The following CECR2 variants were observed in gnomAD, a reference collection of about 807,000 sequenced individuals.
CECR2 encodes the protein CECR2 histone acetyl-lysine reader.
CECR2 carries 30 observed loss-of-function variants against 154.5 expected under a neutral mutation model. The ratio of observed to expected loss-of-function variants is 0.19; its 90% CI spans 0.15 to 0.26. The LOEUF (loss-of-function observed/expected upper bound fraction) is 0.26. CECR2 is among the 10% of genes least tolerant of loss of function. The pLI is 1.00. For synonymous variants in CECR2, 725 were observed against 683.7 expected (o/e 1.06, Z -0.94); for missense variants, 1,743 against 1,829.3 (o/e 0.95, Z 0.86).
chr22:17,432,819 G>A (rs1312630696), intron 1 of CECR2, among the ~76,000 whole-genome samples: 1 of 152,108 alleles, frequency 6.6e-6, no homozygotes, highest in African/African-American at 2.4e-5. Flanking sequence ...TGTATAGGCA[G>A]GGTCTCACTG....
rs12160090 is a variant in CECR2, at chr22:17,364,236, C to G, written c.-364+4213C>G. ...CAGGCGCCTGTAGTCCCAGCTACTC[C>G]GGAGGCTGAGGCAGGAGAATGGCGT... On this transcript the variant is annotated intron_variant, in intron 1 of 18. Coordinates refer to the CECR2 transcript ENST00000400585. Among the ~76,000 whole-genome samples, 10 of 148,616 alleles carry G rather than the reference C, an allele frequency of 6.7e-5. No homozygotes were observed. In the East Asian group the frequency reaches 1.0e-3, roughly 15 times the overall value.
chr22:17,397,562 A>ATC (rs1601284826), intron 1 of CECR2, among the ~76,000 whole-genome samples: 1 of 151,972 alleles, frequency 6.6e-6, no homozygotes, highest in East Asian at 1.9e-4. Flanking sequence ...CAGTGGCGCT[A>ATC]TCTCTGCTCA....
At chr22:17,495,323 C>G (rs2055603471) in intron 2 of CECR2, among the ~76,000 whole-genome samples, 1 of 152,106 alleles carries the variant, frequency 6.6e-6, no homozygotes, top group Admixed American at 6.5e-5. Flanking sequence ...AATCCCAGCA[C>G]TCTGGGAGGC....
chr22:17,363,181 C>G lies in CECR2; in HGVS notation c.-364+3158C>G, dbSNP rs556442361. ...TCTTCTGCCTTGACTTACCGAGTAG[C>G]TGGGACTACAGGCGCACCCTACCAC... On this transcript the variant is annotated intron_variant, in intron 1 of 18. Transcript: ENST00000400585. Among the ~76,000 whole-genome samples the G allele has an allele frequency of 6.1e-4, 92 of 151,506 alleles. 1 individual carries two copies. Among genetic ancestry groups the G allele is most frequent in the African/African-American group, 2.2e-3 (90 of 41,382 alleles).
At chr22:17,457,413 G>A (rs769879740) in intron 1 of CECR2, among the ~76,000 whole-genome samples, 2 of 152,176 alleles carry the variant, frequency 1.3e-5, no homozygotes, top group Non-Finnish European at 2.9e-5. Flanking sequence ...ATTTTCTTGT[G>A]TGTGATATTT....
At chr22:17,480,880 A>C (rs940316798) in intron 2 of CECR2, among the ~76,000 whole-genome samples, 1 of 151,688 alleles carries the variant, frequency 6.6e-6, no homozygotes, top group Non-Finnish European at 1.5e-5. Context: ...TCTCTACTAA[A>C]AATACAAAAA....
intron 7 of CECR2, among the ~76,000 whole-genome samples, chr22:17,510,748 C>T (rs576446422): frequency 3.0e-4 from 46 of 152,220 alleles, no homozygotes; most frequent in East Asian, 9.7e-4. Context: ...ACTACAGGCA[C>T]GCACCACCAT....
chr22:17,507,627 A>T (rs368834034), intron 7 of CECR2, among the ~76,000 whole-genome samples: 3 of 152,214 alleles, frequency 2.0e-5, no homozygotes, highest in African/African-American at 7.2e-5. Context: ...TAAAGCATAA[A>T]ACTGATGATT....
intron 2 of CECR2, among the ~76,000 whole-genome samples, chr22:17,491,360 CTG>C (rs964210892): frequency 2.0e-5 from 3 of 152,138 alleles, no homozygotes; most frequent in Non-Finnish European, 1.5e-5. Flanking sequence ...GCACTTGTTA[CTG>C]TGTGTTTTTT....
At chr22:17,368,852 C>T (rs1376350689), upstream of CECR2, among the ~76,000 whole-genome samples, 1 of 152,130 alleles carries the variant, frequency 6.6e-6, no homozygotes. Flanking sequence ...TCCCGCCGCT[C>T]TCCAGCCTCC....
chr22:17,446,702 C>A (rs976761989), intron 1 of CECR2, among the ~76,000 whole-genome samples: 1 of 151,792 alleles, frequency 6.6e-6, no homozygotes, highest in African/African-American at 2.4e-5. Context: ...GGTGACAGAG[C>A]GAGACTTTGT....
At chr22:17,471,868 A>T (rs922457830) in intron 1 of CECR2, among the ~76,000 whole-genome samples, 1 of 152,134 alleles carries the variant, frequency 6.6e-6, no homozygotes, top group African/African-American at 2.4e-5. Context: ...AGACTCATGG[A>T]ACTTCTTCTT....
At chr22:17,393,044 A>C (rs1315728212) in intron 1 of CECR2, among the ~76,000 whole-genome samples, 1 of 152,144 alleles carries the variant, frequency 6.6e-6, no homozygotes, top group Non-Finnish European at 1.5e-5. Context: ...TGTCTCAGAA[A>C]ATAGTGTTCC....
chr22:17,465,899 A>AT (rs755029248), intron 1 of CECR2, among the ~76,000 whole-genome samples: 18 of 152,138 alleles, frequency 1.2e-4, no homozygotes, highest in Non-Finnish European at 2.2e-4. Context: ...GATTACAGGC[A>AT]TGAGCCACTG....
intron 13 of CECR2, among the ~76,000 whole-genome samples, 198 bp downstream of exon 13, chr22:17,539,317 T>C (rs1460672041): frequency 1.3e-5 from 2 of 152,066 alleles, no homozygotes; most frequent in Non-Finnish European, 2.9e-5. Flanking sequence ...GACAATAGAG[T>C]GCAGCTGGCA....
intron 1 of CECR2, among the ~76,000 whole-genome samples, chr22:17,372,280 C>A (rs1016977348): frequency 6.6e-6 from 1 of 152,098 alleles, no homozygotes; most frequent in African/African-American, 2.4e-5. Flanking sequence ...TTTGATATGG[C>A]TAATGGAAAT....
rs145321699 is a variant in CECR2, at chr22:17,392,481, G to A, written c.126+22572G>A. ...CCAGCCTGGGCGACAGTGAGACTCC[G>A]TCTCAAAAATAGAATAATAAAATAA... On this transcript the variant is annotated intron_variant, in intron 1 of 18. Coordinates refer to ENST00000262608, the MANE Select transcript of CECR2 (RefSeq NM_001290047.2). Among the ~76,000 whole-genome samples, 1,184 of 151,998 alleles carry A rather than the reference G, an allele frequency of 7.8e-3. 15 individuals carry two copies. Among genetic ancestry groups the A allele is most frequent in the African/African-American group, 0.026 (1,081 of 41,486 alleles).
intron 1 of CECR2, among the ~76,000 whole-genome samples, chr22:17,448,575 C>G (rs759079456): frequency 2.0e-5 from 3 of 152,130 alleles, no homozygotes; most frequent in Non-Finnish European, 4.4e-5. Flanking sequence ...TCACTGCTTT[C>G]TACACGGTTG....
intron 2 of CECR2, among the ~76,000 whole-genome samples, chr22:17,479,258 T>C (rs1353127274): frequency 6.6e-6 from 1 of 152,210 alleles, no homozygotes; most frequent in Non-Finnish European, 1.5e-5. Context: ...GAGGTGGTTG[T>C]ATTTTAGCCT....
Sources: gnomAD v4.1 joint callset for allele counts (sites outside exome capture counted in the v4.1 genomes callset) on GRCh38, gnomAD v4.1.1 for gene constraint, MANE v1.5 for transcripts, NCBI Gene and HGNC (gene_info 2026-07-23, HGNC 2026-07-21) for gene names.